The following NEDD4L variants were observed in gnomAD, a reference collection of about 807,000 sequenced individuals.
NEDD4L encodes the protein NEDD4 like E3 ubiquitin protein ligase, also known as E3 ubiquitin-protein ligase NEDD4-like.
A neutral mutation model predicts 148.9 loss-of-function variants in NEDD4L; 54 were observed. The ratio of observed to expected loss-of-function variants is 0.36; its 90% CI spans 0.29 to 0.45. The LOEUF (loss-of-function observed/expected upper bound fraction) is 0.45. NEDD4L is among the 20% of genes least tolerant of loss of function. The probability of loss-of-function intolerance (pLI) is 1.00; values close to 1 mark genes in which losing one functional copy is unlikely to be tolerated. For synonymous variants in NEDD4L, 433 were observed against 440.7 expected, an observed-to-expected ratio of 0.98 and a Z score of 0.22; for missense variants, 856 against 1,233.8, an observed-to-expected ratio of 0.69 and a Z score of 4.59.
At chr18:58,227,370 G>A (rs1187789971) in intron 2 of NEDD4L, among the ~76,000 whole-genome samples, 1 of 152,146 alleles carries the variant, frequency 6.6e-6, no homozygotes, top group East Asian at 1.9e-4. Flanking sequence ...GTCTTCCTGG[G>A]GGTGTCCTGA....
chr18:58,074,885 A>G (rs1332214865), intron 1 of NEDD4L, among the ~76,000 whole-genome samples: 1 of 152,196 alleles, frequency 6.6e-6, no homozygotes, highest in African/African-American at 2.4e-5. Flanking sequence ...TATGTAAAAG[A>G]TGATAGGCTG....
intron 1 of NEDD4L, among the ~76,000 whole-genome samples, chr18:58,077,499 A>T (rs2083233194): frequency 6.6e-6 from 1 of 152,104 alleles, no homozygotes; most frequent in Admixed American, 6.5e-5. Flanking sequence ...ACAGTCCTAA[A>T]CACTGAGTGT....
intron 5 of NEDD4L, among the ~76,000 whole-genome samples, chr18:58,253,703 C>G (rs989872385): frequency 3.3e-5 from 5 of 152,052 alleles, no homozygotes; most frequent in African/African-American, 1.2e-4. Context: ...GAAAAATGGC[C>G]TCTTGTTTGA....
chr18:58,056,894 C>CTTTTTTTTTTTTTTTTT (rs74183230), intron 1 of NEDD4L, among the ~76,000 whole-genome samples: 24 of 121,586 alleles, frequency 2.0e-4, no homozygotes, highest in Admixed American at 3.7e-4. Flanking sequence ...GCTATGCCCT[C>CTTTTTTTTTTTTTTTTT]TTTTTTTTTT....
intron 2 of NEDD4L, among the ~76,000 whole-genome samples, chr18:58,243,711 T>C (rs2046917363): frequency 6.6e-6 from 1 of 152,208 alleles, no homozygotes; most frequent in Admixed American, 6.5e-5. Flanking sequence ...CATCTTTTTC[T>C]AAGGCTGAGG....
intron 5 of NEDD4L, among the ~76,000 whole-genome samples, chr18:58,310,897 G>A (rs188351184): frequency 2.8e-4 from 42 of 152,250 alleles, no homozygotes; most frequent in Non-Finnish European, 5.1e-4. Context: ...TGTTTACCTC[G>A]ATCTGTAACA....
chr18:58,334,826 A>T (rs1047614010), intron 12 of NEDD4L, among the ~76,000 whole-genome samples: 1 of 152,208 alleles, frequency 6.6e-6, no homozygotes, highest in Non-Finnish European at 1.5e-5. Flanking sequence ...CTAGTCAAGG[A>T]AGCAGTCAAA....
intron 2 of NEDD4L, among the ~76,000 whole-genome samples, chr18:58,244,773 G>A (rs527654951): frequency 2.0e-5 from 3 of 152,046 alleles, no homozygotes; most frequent in African/African-American, 4.8e-5. Flanking sequence ...TTGGCTCACC[G>A]CAACCTCTGT....
intron 1 of NEDD4L, among the ~76,000 whole-genome samples, chr18:58,088,051 A>G (rs115860585): frequency 0.034 from 5,143 of 152,286 alleles, 292 homozygotes; most frequent in African/African-American, 0.12. Context: ...TGCCTCACTC[A>G]CATACCTGGC....
At chr18:58,383,128 G>A (rs911191537) in intron 24 of NEDD4L, 118 bp from the exon 25 acceptor site, 1 of 646,756 alleles carries the variant, frequency 1.5e-6, no homozygotes, top group Non-Finnish European at 2.8e-6. Context: ...GAGCCCATTT[G>A]CCGGGAAATA....
At chr18:58,318,053 G>T (rs770031969) in intron 6 of NEDD4L, among the ~76,000 whole-genome samples, 1 of 152,192 alleles carries the variant, frequency 6.6e-6, no homozygotes, top group Non-Finnish European at 1.5e-5. Context: ...ATGTTTGGTC[G>T]TGTGTATAGG....
intron 2 of NEDD4L, among the ~76,000 whole-genome samples, chr18:58,215,186 AC>A (rs2043044663): frequency 6.6e-6 from 1 of 152,208 alleles, no homozygotes; most frequent in African/African-American, 2.4e-5. Context: ...GGTTCAAAGG[AC>A]AAGAACATTT....
chr18:58,371,183 C>T (rs988667267), intron 23 of NEDD4L, among the ~76,000 whole-genome samples: 13 of 150,790 alleles, frequency 8.6e-5, no homozygotes, highest in African/African-American at 3.2e-4. Context: ...ATTACAGGCA[C>T]ACGCCACCAT....
intron 2 of NEDD4L, among the ~76,000 whole-genome samples, chr18:58,202,668 T>G (rs1279377528): frequency 6.6e-6 from 1 of 152,232 alleles, no homozygotes; most frequent in Non-Finnish European, 1.5e-5. Flanking sequence ...GGGTTCAGAC[T>G]TGATCCTTTG....
chr18:58,174,362 G>C (rs552692057), intron 2 of NEDD4L, among the ~76,000 whole-genome samples: 1 of 152,262 alleles, frequency 6.6e-6, no homozygotes, highest in African/African-American at 2.4e-5. Context: ...AGAAGTTCTC[G>C]CTCTGGTTCG....
At chr18:58,260,407 G>A (rs1179520623) in intron 5 of NEDD4L, among the ~76,000 whole-genome samples, 1 of 152,224 alleles carries the variant, frequency 6.6e-6, no homozygotes, top group Admixed American at 6.5e-5. Flanking sequence ...CGATATGTTT[G>A]TAAACAGAAA....
At chr18:58,213,467 G>A (rs1372225485) in intron 2 of NEDD4L, among the ~76,000 whole-genome samples, 2 of 152,218 alleles carry the variant, frequency 1.3e-5, no homozygotes, top group African/African-American at 4.8e-5. Context: ...GTAGAAAAAT[G>A]TATAATATCC....
intron 5 of NEDD4L, among the ~76,000 whole-genome samples, chr18:58,260,659 A>G (rs2148653284): frequency 6.6e-6 from 1 of 152,338 alleles, no homozygotes; most frequent in Non-Finnish European, 1.5e-5. Flanking sequence ...TGCACCTATA[A>G]TGGGAATGTG....
chr18:58,249,549 G>A (rs1304943909), intron 4 of NEDD4L, among the ~76,000 whole-genome samples: 4 of 152,186 alleles, frequency 2.6e-5, no homozygotes, highest in African/African-American at 9.7e-5. Context: ...GGTTGTTGCT[G>A]TGTTTTACTA....
Sources: gnomAD v4.1 joint callset for allele counts (sites outside exome capture counted in the v4.1 genomes callset) on GRCh38, gnomAD v4.1.1 for gene constraint, MANE v1.5 for transcripts, NCBI Gene and HGNC (gene_info 2026-07-23, HGNC 2026-07-21) for gene names.